The following KLF15 variants were observed in gnomAD, a reference collection of about 807,000 sequenced individuals.
KLF15 encodes the protein Krueppel-like factor 15.
A neutral mutation model predicts 24.6 loss-of-function variants in KLF15; 4 were observed. The ratio of observed to expected loss-of-function variants is 0.16; its 90% confidence interval spans 0.08 to 0.37. The LOEUF (loss-of-function observed/expected upper bound fraction) is 0.37, where lower values mean the gene tolerates loss of function less well. Ranked by LOEUF, KLF15 falls within the 10% of genes least tolerant of loss-of-function variation. The pLI is 1.00. For synonymous variants in KLF15, 246 were observed against 236.3 expected (o/e 1.04, Z -0.37); for missense variants, 496 against 560.6 (o/e 0.88, Z 1.16).
chr3:126,314,127 G>A, the KLF15 span, among the ~76,000 whole-genome samples: 10 of 151,982 alleles, frequency 6.6e-5, no homozygotes, highest in African/African-American at 1.5e-4. Flanking sequence ...TCACTCCCTC[G>A]CTCGGTGGCC....
chr3:126,329,251 G>C, the KLF15 span, among the ~76,000 whole-genome samples: 1 of 152,144 alleles, frequency 6.6e-6, no homozygotes, highest in Non-Finnish European at 1.5e-5. Flanking sequence ...ATATGTACTT[G>C]AGTTATTTTC....
At chr3:126,321,867 A>G in the KLF15 span, among the ~76,000 whole-genome samples, 1 of 152,170 alleles carries the variant, frequency 6.6e-6, no homozygotes, top group African/African-American at 2.4e-5. Context: ...TTGCCAAAGC[A>G]CCCAGGCAGG....
At chr3:126,297,160 C>G in the KLF15 span, among the ~76,000 whole-genome samples, 15 of 152,046 alleles carry the variant, frequency 9.9e-5, no homozygotes, top group Admixed American at 5.2e-4. Flanking sequence ...TAGTTTCTAG[C>G]TACAGTGTTA....
chr3:126,299,565 C>G, the KLF15 span, among the ~76,000 whole-genome samples: 1 of 151,580 alleles, frequency 6.6e-6, no homozygotes, highest in East Asian at 1.9e-4. Flanking sequence ...CTGGCTAAAA[C>G]AGTGAAACCC....
the KLF15 span, among the ~76,000 whole-genome samples, chr3:126,330,158 A>G: frequency 6.6e-6 from 1 of 152,222 alleles, no homozygotes; most frequent in Non-Finnish European, 1.5e-5. Flanking sequence ...AATGTGAGCA[A>G]CATGGAGCAG....
the KLF15 span, among the ~76,000 whole-genome samples, chr3:126,313,071 T>TA: frequency 5.3e-5 from 8 of 152,176 alleles, no homozygotes; most frequent in African/African-American, 1.9e-4. Context: ...ATTAGGCCTT[T>TA]AAACAGGCCA....
chr3:126,352,256 T>A lies in KLF15; in HGVS notation c.667A>T (p.Ile223Phe), dbSNP rs1336716498. The A allele has an allele frequency of 6.5e-7, 1 of 1,538,900 alleles. No homozygotes were observed. Among genetic ancestry groups the A allele is most frequent in the East Asian group, 2.3e-5 (1 of 44,194 alleles). The change falls in exon 2 of 3, where the codon ATC becomes TTC. Residue 223 changes from isoleucine to phenylalanine, a missense_variant. By Grantham distance (21) the Ile-to-Phe change is conservative. Transcript: ENST00000296233. The stretch of plus-strand genomic sequence containing the variant: ...TCCTGCTTCACAGGCACGGGCTGGA[T>A]CTGCAGCAACACTGGGATGGGGCCA... ...PDGPIPVLLQ[I>F]QPVPVKQESG...
chr3:126,323,460 T>TATATATAACATATATATAA, the KLF15 span, among the ~76,000 whole-genome samples: 1 of 96,974 alleles, frequency 1.0e-5, no homozygotes, highest in African/African-American at 5.0e-5. Context: ...TATATATATA[T>TATATATAACATATATATAA]AACATATATA....
At chr3:126,331,604 G>T in the KLF15 span, among the ~76,000 whole-genome samples, 603 of 152,264 alleles carry the variant, frequency 4.0e-3, 5 homozygotes, top group African/African-American at 0.014. Context: ...ATGTCTAGTG[G>T]GGGGGAGGAG....
the KLF15 span, among the ~76,000 whole-genome samples, chr3:126,306,657 CACAA>C: frequency 6.6e-6 from 1 of 152,238 alleles, no homozygotes; most frequent in African/African-American, 2.4e-5. Context: ...GGCACAAGTG[CACAA>C]ACACATGTTC....
chr3:126,353,735 G>A (rs2082607011), intron 1 of KLF15, among the ~76,000 whole-genome samples: 1 of 152,190 alleles, frequency 6.6e-6, no homozygotes, highest in Admixed American at 6.5e-5. Flanking sequence ...TCTGAGCCTT[G>A]ACTGCCCTGT....
chr3:126,344,286 C>G (rs34466729), intron 2 of KLF15, among the ~76,000 whole-genome samples: 15,759 of 151,996 alleles, frequency 0.1, 880 homozygotes, highest in Middle Eastern at 0.15. Flanking sequence ...TGTCAAACTC[C>G]TGGGCTCAAG....
chr3:126,292,794 G>A, the KLF15 span, among the ~76,000 whole-genome samples: 2 of 152,128 alleles, frequency 1.3e-5, no homozygotes, highest in Non-Finnish European at 2.9e-5. Flanking sequence ...AGGACCTTTC[G>A]AAGGTCTGCA....
At chr3:126,298,302 G>GTTT in the KLF15 span, among the ~76,000 whole-genome samples, 1 of 140,280 alleles carries the variant, frequency 7.1e-6, no homozygotes, top group Admixed American at 7.1e-5. Flanking sequence ...GGATTATTAG[G>GTTT]TTTTTTTTTT....
rs755483128 is a variant in KLF15, at chr3:126,352,044, C to T, written c.879G>A (p.Ser293=). The part of the protein sequence containing the change: ...PVPIAAKPVG[S]GPLGPGPAGL... Reference sequence around the variant, plus strand: ...CGGCAGGGCCAGGCCCCAGGGGTCCCGATCCAACAGGCTTGGCGGCAATGG... The same window carrying T: ...CGGCAGGGCCAGGCCCCAGGGGTCCTGATCCAACAGGCTTGGCGGCAATGG... The change falls in exon 2 of 3, where the codon TCG becomes TCA. Residue 293 remains serine, a synonymous_variant. Coordinates refer to ENST00000296233, the MANE Select transcript of KLF15 (RefSeq NM_014079.4). The T allele has an allele frequency of 2.6e-6, 4 of 1,529,272 alleles. No homozygotes were observed. Among genetic ancestry groups the T allele is most frequent in the East Asian group, 2.4e-5 (1 of 41,466 alleles). The allele number at this position is 1,529,272 out of a possible 1,614,324, so 94.7% of individuals were successfully genotyped here.
At chr3:126,330,223 C>A in the KLF15 span, among the ~76,000 whole-genome samples, 1 of 152,190 alleles carries the variant, frequency 6.6e-6, no homozygotes, top group Non-Finnish European at 1.5e-5. Context: ...CCCACAGACA[C>A]AGGAGCAAGA....
At chr3:126,316,495 T>TA in the KLF15 span, among the ~76,000 whole-genome samples, 1 of 108,366 alleles carries the variant, frequency 9.2e-6, no homozygotes, top group African/African-American at 3.7e-5. Context: ...CAGGCCGGAG[T>TA]GGGACTGGGA....
the KLF15 span, among the ~76,000 whole-genome samples, chr3:126,310,537 G>C: frequency 1.3e-5 from 2 of 152,172 alleles, no homozygotes; most frequent in Admixed American, 6.5e-5. Context: ...TCAGAGAAGG[G>C]GGGGTGGGTG....
At chr3:126,305,511 A>C in the KLF15 span, among the ~76,000 whole-genome samples, 220 of 152,358 alleles carry the variant, frequency 1.4e-3, 2 homozygotes, top group Admixed American at 2.4e-3. Context: ...AGCCCTCTCC[A>C]TTCTCATCTG....
Sources: allele counts gnomAD v4.1 joint callset (sites outside exome capture counted in the v4.1 genomes callset), GRCh38; gene constraint gnomAD v4.1.1; transcripts MANE v1.5; gene names NCBI Gene and HGNC (gene_info 2026-07-23, HGNC 2026-07-21).